Variants in IGF2BP2 observed in about 807,000 individuals in gnomAD.
IGF2BP2 encodes insulin like growth factor 2 mRNA binding protein 2.
Under a neutral mutation model 75.8 loss-of-function variants are expected in IGF2BP2, and 17 were observed. The observed-to-expected ratio is 0.22, with a 90% CI of 0.15 to 0.34. The LOEUF (loss-of-function observed/expected upper bound fraction) is 0.34, where lower values mean the gene tolerates loss of function less well. Among genes scored for constraint, IGF2BP2 ranks in the 10% least tolerant of loss-of-function variants. The pLI is 1.00. For synonymous variants in IGF2BP2, 288 were observed against 295.6 expected (o/e 0.97, Z 0.26); for missense variants, 516 against 772.4 (o/e 0.67, Z 3.93).
intron 2 of IGF2BP2, among the ~76,000 whole-genome samples, chr3:185,768,672 C>G (rs1733433360): frequency 6.6e-6 from 1 of 152,174 alleles, no homozygotes; most frequent in Admixed American, 6.6e-5. Flanking sequence ...CAGCACTGCC[C>G]TCTAGTGGTG....
chr3:185,741,990 A>G (rs1247367083), intron 2 of IGF2BP2, among the ~76,000 whole-genome samples: 1 of 152,234 alleles, frequency 6.6e-6, no homozygotes, highest in African/African-American at 2.4e-5. Flanking sequence ...TGTATGTTAT[A>G]GAAGGAAAAG....
intron 2 of IGF2BP2, among the ~76,000 whole-genome samples, chr3:185,765,815 T>C (rs1732959501): frequency 6.6e-6 from 1 of 152,218 alleles, no homozygotes; most frequent in Non-Finnish European, 1.5e-5. Flanking sequence ...ATTCTGGTTT[T>C]CTAATAGGGA....
rs140527032 is a variant in IGF2BP2, at chr3:185,723,939, C to G, written c.240-25592G>C. On this transcript the variant is annotated intron_variant, in intron 2 of 15. Transcript: ENST00000382199. Reference sequence around the variant, plus strand: ...GAGCAAAGTTGGGAGGCAACCGAAGCGGGTAAGCAGGTTCGGTCTGGGCAA... The same window carrying G: ...GAGCAAAGTTGGGAGGCAACCGAAGGGGGTAAGCAGGTTCGGTCTGGGCAA... Among the ~76,000 whole-genome samples the G allele has an allele frequency of 5.5e-3, 837 of 152,268 alleles. 7 individuals are homozygous for G. Among genetic ancestry groups the G allele is most frequent in the African/African-American group, 0.019 (790 of 41,548 alleles).
chr3:185,679,389 C>T (rs1720033542), intron 7 of IGF2BP2, among the ~76,000 whole-genome samples: 1 of 152,026 alleles, frequency 6.6e-6, no homozygotes, highest in African/African-American at 2.4e-5. Context: ...TTTTTTACCC[C>T]ATCCCCAAAT....
At position 185,800,718 on chromosome 3, in the gene IGF2BP2, A is replaced by AAAAAAGAAAGAAAGAAAGAAAG. The variant is rs771868332; in HGVS notation, c.239+22434_239+22435insCTTTCTTTCTTTCTTTCTTTTT. Among the ~76,000 whole-genome samples, 376 of 143,298 alleles carry AAAAAAGAAAGAAAGAAAGAAAG rather than the reference A, an allele frequency of 2.6e-3. 1 individual carries two copies. Among genetic ancestry groups the AAAAAAGAAAGAAAGAAAGAAAG allele is most frequent in the South Asian group, 7.0e-3 (30 of 4,256 alleles). 94.0% of individuals were successfully genotyped at this position (143,298 alleles called of 152,430 possible). On this transcript the variant is annotated intron_variant, in intron 2 of 15. Transcript: ENST00000382199. ...TGCCACTTGGTGACTGAGCCAAAAA[A>AAAAAAGAAAGAAAGAAAGAAAG]AAAGAAAGAAAGAAAGAAAGAAAGT...
At position 185,681,949 on chromosome 3, in the gene IGF2BP2, A is replaced by C. The variant is rs567126032; in HGVS notation, c.812+5108T>G. The stretch of plus-strand genomic sequence containing the variant: ...TAAGGACCTAAACAGACCTAAAACT[A>C]TCAAACTCCTAAAACACAGGAGAAA... On this transcript the variant is annotated intron_variant, in intron 7 of 15. Coordinates refer to ENST00000382199, the MANE Select transcript of IGF2BP2 (RefSeq NM_006548.6). Among the ~76,000 whole-genome samples, 8 of 152,364 alleles carry C rather than the reference A, an allele frequency of 5.3e-5. No homozygotes were observed. The South Asian group carries it at 1.2e-3, about 24-fold the overall frequency.
At chr3:185,734,909 A>C (rs945662657) in intron 2 of IGF2BP2, among the ~76,000 whole-genome samples, 2 of 152,096 alleles carry the variant, frequency 1.3e-5, no homozygotes, top group African/African-American at 4.8e-5. Context: ...GACGTGCCTC[A>C]ATCTCCCCTC....
At chr3:185,817,144 A>G (rs1490215580) in intron 2 of IGF2BP2, among the ~76,000 whole-genome samples, 1 of 152,242 alleles carries the variant, frequency 6.6e-6, no homozygotes, top group Non-Finnish European at 1.5e-5. Flanking sequence ...TTGACACTAA[A>G]CAGAATGGGA....
intron 2 of IGF2BP2, among the ~76,000 whole-genome samples, chr3:185,730,623 C>T (rs1213020852): frequency 2.0e-5 from 3 of 151,656 alleles, no homozygotes; most frequent in East Asian, 1.9e-4. Flanking sequence ...TAGTAGAGAC[C>T]GGGTTTCTCC....
intron 2 of IGF2BP2, among the ~76,000 whole-genome samples, chr3:185,718,746 T>A (rs1211928425): frequency 7.6e-6 from 1 of 132,226 alleles, no homozygotes; most frequent in Non-Finnish European, 1.6e-5. Context: ...GGCAGATGGG[T>A]AGGGTTAAAT....
intron 2 of IGF2BP2, among the ~76,000 whole-genome samples, chr3:185,747,124 T>G (rs1310040497): frequency 2.0e-5 from 3 of 152,258 alleles, no homozygotes; most frequent in Non-Finnish European, 4.4e-5. Context: ...ATGGAATTAC[T>G]ATGTTTTAAC....
intron 2 of IGF2BP2, among the ~76,000 whole-genome samples, chr3:185,705,735 A>AT (rs1379751023): frequency 2.0e-5 from 3 of 152,198 alleles, no homozygotes; most frequent in Non-Finnish European, 4.4e-5. Context: ...TCTGTTCCTC[A>AT]TAGAAGGCAC....
chr3:185,697,417 G>GTT (rs11437010), intron 3 of IGF2BP2, among the ~76,000 whole-genome samples: 97 of 148,054 alleles, frequency 6.6e-4, no homozygotes, highest in Non-Finnish European at 9.7e-4. Context: ...ATAATCGTGT[G>GTT]TTTTTTTTTT....
intron 10 of IGF2BP2, among the ~76,000 whole-genome samples, chr3:185,662,492 A>C (rs1308845558): frequency 1.4e-5 from 2 of 147,156 alleles, no homozygotes; most frequent in African/African-American, 5.1e-5. Flanking sequence ...AGAAAAAAAG[A>C]CAAAAAAAAA....
chr3:185,757,886 T>A (rs571488225), intron 2 of IGF2BP2, among the ~76,000 whole-genome samples: 23 of 152,184 alleles, frequency 1.5e-4, no homozygotes, highest in African/African-American at 5.1e-4. Context: ...ATCCAGTCTA[T>A]CCACACACAT....
At chr3:185,805,420 T>C (rs1162259581) in intron 2 of IGF2BP2, among the ~76,000 whole-genome samples, 2 of 152,164 alleles carry the variant, frequency 1.3e-5, no homozygotes, top group Non-Finnish European at 2.9e-5. Flanking sequence ...AATGGTGCTG[T>C]TCTTGACTTC....
At chr3:185,676,567 T>C (rs1453042192) in intron 7 of IGF2BP2, among the ~76,000 whole-genome samples, 2 of 151,730 alleles carry the variant, frequency 1.3e-5, no homozygotes, top group African/African-American at 4.8e-5. Flanking sequence ...TCCTAGCTAC[T>C]TGGGAGGCTG....
Position 185,697,438 on chromosome 3 carries a change from A to G in IGF2BP2, c.289-775T>C, listed in dbSNP as rs549215395. On this transcript the variant is annotated intron_variant, in intron 3 of 15. Transcript: ENST00000382199. ...GTGTGTTTTTTTTTTTTAAAGTAATAAAAACATTAGATAAAACATTGTTTC... is the reference window on the plus strand; with the variant it reads ...GTGTGTTTTTTTTTTTTAAAGTAATGAAAACATTAGATAAAACATTGTTTC... 5.3e-5 allele frequency among the ~76,000 whole-genome samples: 8 copies of G among 152,038 alleles called. No individual in the cohort carries two copies. The South Asian group carries it at 1.2e-3, about 24-fold the overall frequency.
At chr3:185,679,251 TTTC>T (rs2149263569) in intron 7 of IGF2BP2, among the ~76,000 whole-genome samples, 1 of 152,306 alleles carries the variant, frequency 6.6e-6, no homozygotes, top group African/African-American at 2.4e-5. Flanking sequence ...GTGCTTTGAT[TTTC>T]TTTTGTGCGT....
Sources: gnomAD v4.1 joint callset for allele counts (sites outside exome capture counted in the v4.1 genomes callset) on GRCh38, gnomAD v4.1.1 for gene constraint, MANE v1.5 for transcripts, NCBI Gene and HGNC (gene_info 2026-07-23, HGNC 2026-07-21) for gene names.